GALNT13: variants seen among roughly 807,000 people sequenced by gnomAD.
GALNT13 encodes polypeptide N-acetylgalactosaminyltransferase 13.
Under a neutral mutation model 64.2 loss-of-function variants are expected in GALNT13, and 28 were observed. That is an observed-to-expected ratio of 0.44 (90% CI 0.32 to 0.60). The LOEUF (loss-of-function observed/expected upper bound fraction) is 0.60. Among genes scored for constraint, GALNT13 ranks in the 20% least tolerant of loss-of-function variants. GALNT13 has a pLI of 0.05. For synonymous variants in GALNT13, 214 were observed against 224.6 expected (o/e 0.95, Z 0.42); for missense variants, 577 against 669.8 (o/e 0.86, Z 1.53).
chr2:153,403,022 A>G, the GALNT13 span, among the ~76,000 whole-genome samples: 2 of 150,770 alleles, frequency 1.3e-5, no homozygotes, highest in Non-Finnish European at 3.0e-5. Context: ...TAGAGTTTCC[A>G]GTTTTTCTGT....
intron 4 of GALNT13, among the ~76,000 whole-genome samples, chr2:154,169,117 C>T (rs1449275287): frequency 6.6e-6 from 1 of 152,066 alleles, no homozygotes; most frequent in African/African-American, 2.4e-5. Context: ...CCTCACTCCC[C>T]GCTACCACCA....
At chr2:154,262,396 G>A (rs1270332240) in intron 8 of GALNT13, among the ~76,000 whole-genome samples, 2 of 152,138 alleles carry the variant, frequency 1.3e-5, no homozygotes, top group South Asian at 2.1e-4. Context: ...TGCTTCTCTC[G>A]TCTATAATCT....
chr2:153,762,324 A>G, the GALNT13 span: 2 of 152,166 alleles, frequency 1.3e-5, no homozygotes, highest in East Asian at 1.9e-4. Context: ...TTGAGAGCTG[A>G]TGCACAACAA....
At chr2:154,113,129 T>C (rs1472569071) in intron 3 of GALNT13, among the ~76,000 whole-genome samples, 1 of 152,046 alleles carries the variant, frequency 6.6e-6, no homozygotes, top group Non-Finnish European at 1.5e-5. Flanking sequence ...CAGTAACAGG[T>C]CTAGAGCTGT....
the GALNT13 span, among the ~76,000 whole-genome samples, chr2:153,556,375 A>C: frequency 7.9e-5 from 12 of 152,254 alleles, no homozygotes; most frequent in African/African-American, 2.9e-4. Context: ...AAAATCTTTA[A>C]AATTAAAAAC....
the GALNT13 span, among the ~76,000 whole-genome samples, chr2:153,598,647 C>T: frequency 6.6e-6 from 1 of 152,034 alleles, no homozygotes; most frequent in African/African-American, 2.4e-5. Context: ...ATTGTAAGTA[C>T]ACAGTACTAC....
chr2:153,630,798 TATATA>T, the GALNT13 span, among the ~76,000 whole-genome samples: 17 of 13,486 alleles, frequency 1.3e-3, no homozygotes, highest in African/African-American at 2.2e-3. Context: ...TATATATATA[TATATA>T]TATATTTTTT....
the GALNT13 span, among the ~76,000 whole-genome samples, chr2:153,259,311 T>A: frequency 2.6e-5 from 4 of 152,074 alleles, no homozygotes; most frequent in Non-Finnish European, 4.4e-5. Context: ...ATTTTATGTG[T>A]CTCTTTATAG....
the GALNT13 span, among the ~76,000 whole-genome samples, chr2:153,533,342 C>G: frequency 2.0e-5 from 3 of 151,996 alleles, no homozygotes; most frequent in Non-Finnish European, 4.4e-5. Context: ...ACCTCTGCCC[C>G]CCAGGTTCAA....
chr2:154,187,369 AACACACACACACACACACACACACAC>A (rs10578569), intron 4 of GALNT13, among the ~76,000 whole-genome samples: 5 of 140,258 alleles, frequency 3.6e-5, no homozygotes, highest in East Asian at 2.1e-4. Context: ...GATAGGAGAA[AACACACACACACACACACACACACAC>A]ACACACACAC....
the GALNT13 span, among the ~76,000 whole-genome samples, chr2:153,103,943 T>C: frequency 6.6e-6 from 1 of 152,216 alleles, no homozygotes; most frequent in South Asian, 2.1e-4. Flanking sequence ...ACAAACCCTC[T>C]AATGATACAT....
intron 3 of GALNT13, among the ~76,000 whole-genome samples, chr2:153,977,774 T>G (rs1694180033): frequency 6.6e-6 from 1 of 152,196 alleles, no homozygotes. Flanking sequence ...TCTGAGTTAT[T>G]CATATGACCA....
At chr2:153,233,488 A>ATTT in the GALNT13 span, among the ~76,000 whole-genome samples, 22 of 145,366 alleles carry the variant, frequency 1.5e-4, no homozygotes, top group Middle Eastern at 3.6e-3. Context: ...CTTATTTTTA[A>ATTT]AAAAAAAAAC....
the GALNT13 span, among the ~76,000 whole-genome samples, chr2:153,081,037 A>T: frequency 2.6e-5 from 4 of 152,020 alleles, no homozygotes; most frequent in African/African-American, 9.7e-5. Context: ...GTATATAAAT[A>T]TGTGTGCTTC....
At chr2:154,375,757 A>G (rs1283212388) in intron 9 of GALNT13, among the ~76,000 whole-genome samples, 1 of 152,060 alleles carries the variant, frequency 6.6e-6, no homozygotes, top group Non-Finnish European at 1.5e-5. Context: ...TAGGAGAGGG[A>G]CTGTTTTTTT....
chr2:153,761,597 T>G, the GALNT13 span: 5 of 152,468 alleles, frequency 3.3e-5, no homozygotes, highest in Non-Finnish European at 5.9e-5. Context: ...TCTATTTCCT[T>G]CCTGTCAGGT....
chr2:153,514,317 A>G, the GALNT13 span, among the ~76,000 whole-genome samples: 4 of 152,122 alleles, frequency 2.6e-5, no homozygotes, highest in South Asian at 2.1e-4. Flanking sequence ...ACTGTTGCCA[A>G]TTGATTGTTT....
the GALNT13 span, among the ~76,000 whole-genome samples, chr2:153,535,539 C>T: frequency 6.6e-6 from 1 of 152,040 alleles, no homozygotes; most frequent in African/African-American, 2.4e-5. Context: ...TTTGGGGGCA[C>T]AGTCTAAGTT....
the GALNT13 span, among the ~76,000 whole-genome samples, chr2:153,720,165 G>A: frequency 1.4e-5 from 2 of 146,290 alleles, no homozygotes; most frequent in East Asian, 2.0e-4. Context: ...TGACCCCCGA[G>A]CAGCCTAACT....
Sources: allele counts gnomAD v4.1 joint callset (sites outside exome capture counted in the v4.1 genomes callset), GRCh38; gene constraint gnomAD v4.1.1; transcripts MANE v1.5; gene names NCBI Gene and HGNC (gene_info 2026-07-23, HGNC 2026-07-21).